Variants in SPRR2G observed in about 807,000 individuals in gnomAD.
SPRR2G encodes the protein small proline rich protein 2G.
Under a neutral mutation model 0.7 loss-of-function variants are expected in SPRR2G, and 1 was observed. That is an observed-to-expected ratio of 1.49 (90% CI 0.53 to 7.06). The LOEUF (loss-of-function observed/expected upper bound fraction) is 7.06, where lower values mean the gene tolerates loss of function less well. Ranked by LOEUF, SPRR2G falls within the 30% of genes most tolerant of loss-of-function variation. The probability of loss-of-function intolerance (pLI) is 0.14; values close to 1 mark genes in which losing one functional copy is unlikely to be tolerated. For synonymous variants in SPRR2G, 38 were observed against 33.9 expected, an observed-to-expected ratio of 1.12 and a Z score of -0.42; for missense variants, 96 against 88.5, an observed-to-expected ratio of 1.09 and a Z score of -0.34.
chr1:153,164,168 AC>A, the SPRR2G span, among the ~76,000 whole-genome samples: 1 of 152,216 alleles, frequency 6.6e-6, no homozygotes, highest in African/African-American at 2.4e-5. Context: ...TATTTGGTAA[AC>A]AAAACTTAAT....
chr1:153,151,824 A>G (rs184906169), upstream of SPRR2G, among the ~76,000 whole-genome samples: 70 of 152,322 alleles, frequency 4.6e-4, no homozygotes, highest in African/African-American at 1.6e-3. Context: ...TGTTTACTTC[A>G]TGGATGTTTT....
chr1:153,186,441 T>C, the SPRR2G span, among the ~76,000 whole-genome samples: 1 of 152,352 alleles, frequency 6.6e-6, no homozygotes, highest in Non-Finnish European at 1.5e-5. Context: ...GCTCTTCTTG[T>C]TGCATTGATC....
chr1:153,190,787 AT>A, the SPRR2G span: 1 of 152,144 alleles, frequency 6.6e-6, no homozygotes, highest in African/African-American at 2.4e-5. Context: ...GTCTGTTTGT[AT>A]TTTCTCCCTA....
the SPRR2G span, among the ~76,000 whole-genome samples, chr1:153,177,972 C>G: frequency 6.6e-6 from 1 of 151,328 alleles, no homozygotes. Flanking sequence ...AATATGTGAA[C>G]CTATATCTCT....
the SPRR2G span, among the ~76,000 whole-genome samples, chr1:153,156,244 A>G: frequency 6.6e-6 from 1 of 152,194 alleles, no homozygotes; most frequent in Admixed American, 6.5e-5. Flanking sequence ...TGATTTCATG[A>G]TTTTCCAGAC....
At chr1:153,165,121 C>T in the SPRR2G span, among the ~76,000 whole-genome samples, 1 of 151,902 alleles carries the variant, frequency 6.6e-6, no homozygotes, top group Admixed American at 6.6e-5. Context: ...AATATTTGCA[C>T]CCAGGCAGCT....
chr1:153,185,502 G>A, the SPRR2G span, among the ~76,000 whole-genome samples: 6 of 151,886 alleles, frequency 4.0e-5, no homozygotes, highest in Non-Finnish European at 5.9e-5. Flanking sequence ...GTTTATTTGC[G>A]TAGAGGTGTT....
At chr1:153,160,886 A>G in the SPRR2G span, among the ~76,000 whole-genome samples, 6 of 151,476 alleles carry the variant, frequency 4.0e-5, no homozygotes, top group Non-Finnish European at 7.4e-5. Context: ...TGTGGCACAT[A>G]TACACCATGG....
chr1:153,184,604 C>A, the SPRR2G span, among the ~76,000 whole-genome samples: 1 of 152,124 alleles, frequency 6.6e-6, no homozygotes, highest in Non-Finnish European at 1.5e-5. Context: ...AGTTTTTGGG[C>A]TGAGAAAATG....
chr1:153,174,818 C>T, the SPRR2G span, among the ~76,000 whole-genome samples: 22 of 152,122 alleles, frequency 1.4e-4, no homozygotes, highest in African/African-American at 9.7e-5. Context: ...TGAGACAACA[C>T]CTGCACTGTC....
the SPRR2G span, among the ~76,000 whole-genome samples, chr1:153,170,368 T>A: frequency 1.3e-5 from 2 of 152,234 alleles, no homozygotes; most frequent in Non-Finnish European, 1.5e-5. Context: ...AAAAGCTGTA[T>A]AATTGGTAAC....
chr1:153,197,179 T>TGTGTG, the SPRR2G span, among the ~76,000 whole-genome samples: 1 of 127,812 alleles, frequency 7.8e-6, no homozygotes, highest in East Asian at 2.3e-4. Context: ...TGTGTGTGTG[T>TGTGTG]ATGTTGGAGG....
the SPRR2G span, chr1:153,190,527 G>A: frequency 1.3e-5 from 2 of 152,234 alleles, no homozygotes; most frequent in African/African-American, 4.8e-5. Context: ...TTCCACCTGT[G>A]ATCCAAATAT....
chr1:153,202,968 C>A, the SPRR2G span, among the ~76,000 whole-genome samples: 1 of 152,212 alleles, frequency 6.6e-6, no homozygotes, highest in Admixed American at 6.5e-5. Context: ...AAGGCAGGAT[C>A]TGGGGCTAAC....
chr1:153,183,158 T>A, the SPRR2G span, among the ~76,000 whole-genome samples: 1 of 146,468 alleles, frequency 6.8e-6, no homozygotes, highest in African/African-American at 2.5e-5. Flanking sequence ...AGTTTCCGCC[T>A]CCTGGGTTCA....
chr1:153,182,090 T>C, the SPRR2G span, among the ~76,000 whole-genome samples: 2 of 152,172 alleles, frequency 1.3e-5, no homozygotes, highest in Non-Finnish European at 2.9e-5. Context: ...ATTCTTCATC[T>C]TTTTGATCAT....
chr1:153,157,678 G>A, the SPRR2G span, among the ~76,000 whole-genome samples: 1 of 151,892 alleles, frequency 6.6e-6, no homozygotes, highest in Admixed American at 6.6e-5. Flanking sequence ...GGTTTGGTTT[G>A]GGTTGGGTTT....
At chr1:153,200,124 C>T in the SPRR2G span, among the ~76,000 whole-genome samples, 1 of 152,046 alleles carries the variant, frequency 6.6e-6, no homozygotes, top group Non-Finnish European at 1.5e-5. Context: ...CTTTTTTGGC[C>T]TAAATTAAGT....
the SPRR2G span, among the ~76,000 whole-genome samples, chr1:153,167,181 A>T: frequency 4.6e-5 from 7 of 152,226 alleles, no homozygotes; most frequent in African/African-American, 1.7e-4. Context: ...TTGGAAAAAA[A>T]ATAAAATCTC....
Sources: gnomAD v4.1 joint callset for allele counts (sites outside exome capture counted in the v4.1 genomes callset) on GRCh38, gnomAD v4.1.1 for gene constraint, MANE v1.5 for transcripts, NCBI Gene and HGNC (gene_info 2026-07-23, HGNC 2026-07-21) for gene names.